The following ABTB3 variants were observed in gnomAD, a reference collection of about 807,000 sequenced individuals.
ABTB3 encodes ankyrin repeat and BTB domain containing 3, also known as ankyrin repeat- and BTB/POZ domain-containing protein 3.
chr12:107,557,735 G>T, the ABTB3 span, among the ~76,000 whole-genome samples: 1 of 152,198 alleles, frequency 6.6e-6, no homozygotes, highest in Non-Finnish European at 1.5e-5. Flanking sequence ...ACTCCATGAG[G>T]TATGTATTAT....
the ABTB3 span, among the ~76,000 whole-genome samples, chr12:107,573,993 G>C: frequency 3.3e-5 from 5 of 152,202 alleles, no homozygotes; most frequent in Non-Finnish European, 5.9e-5. Flanking sequence ...TCTTTCTCGA[G>C]TGTTTATATT....
At chr12:107,654,828 A>ACACACACACACACACG in the ABTB3 span, among the ~76,000 whole-genome samples, 1 of 145,560 alleles carries the variant, frequency 6.9e-6, no homozygotes, top group African/African-American at 2.7e-5. Context: ...ACACACACAC[A>ACACACACACACACACG]CACACACACA....
chr12:107,329,891 A>C, the ABTB3 span, among the ~76,000 whole-genome samples: 1 of 152,172 alleles, frequency 6.6e-6, no homozygotes, highest in Non-Finnish European at 1.5e-5. Context: ...TTCATCAAAG[A>C]ATTATGCAGA....
At chr12:107,594,073 G>C in the ABTB3 span, among the ~76,000 whole-genome samples, 2 of 152,194 alleles carry the variant, frequency 1.3e-5, no homozygotes, top group African/African-American at 4.8e-5. Flanking sequence ...CTCTGCCAGA[G>C]GGGATGCATT....
At chr12:107,620,620 G>T in the ABTB3 span, among the ~76,000 whole-genome samples, 6 of 152,118 alleles carry the variant, frequency 3.9e-5, no homozygotes, top group Non-Finnish European at 8.8e-5. Flanking sequence ...TGAGGGAAAT[G>T]GTTGCAGCTT....
At chr12:107,356,749 A>G in the ABTB3 span, among the ~76,000 whole-genome samples, 1 of 152,368 alleles carries the variant, frequency 6.6e-6, no homozygotes, top group East Asian at 1.9e-4. Flanking sequence ...AAACAAATGC[A>G]GCAGCAGAGA....
the ABTB3 span, among the ~76,000 whole-genome samples, chr12:107,464,214 TG>T: frequency 1.1e-4 from 1 of 9,338 alleles, no homozygotes; most frequent in African/African-American, 1.2e-3. Context: ...AGAGTGTGTG[TG>T]TGTGTGTGTG....
At chr12:107,600,796 A>G in the ABTB3 span, among the ~76,000 whole-genome samples, 1 of 152,220 alleles carries the variant, frequency 6.6e-6, no homozygotes, top group African/African-American at 2.4e-5. Context: ...ACACATGCAC[A>G]GAGAAGTGAG....
At chr12:107,461,994 G>C in the ABTB3 span, among the ~76,000 whole-genome samples, 1 of 152,208 alleles carries the variant, frequency 6.6e-6, no homozygotes, top group Non-Finnish European at 1.5e-5. Context: ...TGGCCCAGGA[G>C]GAGGTGGTCT....
the ABTB3 span, among the ~76,000 whole-genome samples, chr12:107,655,228 A>G: frequency 6.6e-6 from 1 of 151,586 alleles, no homozygotes; most frequent in African/African-American, 2.4e-5. Flanking sequence ...GGCTTAGAAC[A>G]CCTATGGCAG....
At chr12:107,474,050 C>T in the ABTB3 span, among the ~76,000 whole-genome samples, 1 of 152,206 alleles carries the variant, frequency 6.6e-6, no homozygotes, top group East Asian at 1.9e-4. Flanking sequence ...TCCCAAAGTG[C>T]TGGGATTACA....
the ABTB3 span, among the ~76,000 whole-genome samples, chr12:107,515,812 A>G: frequency 6.6e-6 from 1 of 152,174 alleles, no homozygotes; most frequent in African/African-American, 2.4e-5. Context: ...GGTAGTGCCC[A>G]GGAAATGGTG....
the ABTB3 span, among the ~76,000 whole-genome samples, chr12:107,475,508 C>T: frequency 1.3e-5 from 2 of 152,256 alleles, no homozygotes; most frequent in African/African-American, 4.8e-5. Context: ...CAGTCTTGTC[C>T]CCTCAAGTCC....
At chr12:107,366,776 T>C in the ABTB3 span, among the ~76,000 whole-genome samples, 1 of 152,218 alleles carries the variant, frequency 6.6e-6, no homozygotes, top group Non-Finnish European at 1.5e-5. Flanking sequence ...TATATATTTT[T>C]TAATGCATGA....
chr12:107,356,022 A>C, the ABTB3 span, among the ~76,000 whole-genome samples: 2 of 152,230 alleles, frequency 1.3e-5, no homozygotes, highest in Non-Finnish European at 2.9e-5. Context: ...AGGCTGTAGC[A>C]CAGAGGGTTT....
the ABTB3 span, among the ~76,000 whole-genome samples, chr12:107,451,389 G>A: frequency 5.9e-5 from 9 of 152,190 alleles, no homozygotes; most frequent in Admixed American, 2.0e-4. Flanking sequence ...CCTCTGCTGC[G>A]TTACGCAGTA....
chr12:107,396,115 C>T, the ABTB3 span, among the ~76,000 whole-genome samples: 22 of 152,342 alleles, frequency 1.4e-4, no homozygotes, highest in African/African-American at 5.1e-4. Context: ...AAATAGAGAA[C>T]GTGTCTTGCC....
At chr12:107,520,721 C>T in the ABTB3 span, 2 of 1,528,270 alleles carry the variant, frequency 1.3e-6, no homozygotes, top group East Asian at 4.6e-5. Context: ...TCATGCCAAC[C>T]CCTCAGGGCA....
At chr12:107,640,267 C>A in the ABTB3 span, 31 of 1,155,692 alleles carry the variant, frequency 2.7e-5, 2 homozygotes, top group South Asian at 2.6e-4. Flanking sequence ...AAACTTCATC[C>A]TTTTTTCCAC....
Sources: allele counts gnomAD v4.1 joint callset (sites outside exome capture counted in the v4.1 genomes callset), GRCh38; gene constraint gnomAD v4.1.1; transcripts MANE v1.5; gene names NCBI Gene and HGNC (gene_info 2026-07-23, HGNC 2026-07-21).